Variants in MAP3K2 observed in about 807,000 individuals in gnomAD.
MAP3K2 encodes the protein mitogen-activated protein kinase kinase kinase 2, also known as MAP/ERK kinase kinase 2.
MAP3K2 carries 24 observed loss-of-function variants against 80.3 expected under a neutral mutation model. The observed-to-expected ratio is 0.30, with a 90% confidence interval of 0.22 to 0.42. The LOEUF (loss-of-function observed/expected upper bound fraction) is 0.42, where lower values mean the gene tolerates loss of function less well. MAP3K2 is among the 10% of genes least tolerant of loss of function. MAP3K2 has a pLI of 1.00. For synonymous variants in MAP3K2, 244 were observed against 253.7 expected, an observed-to-expected ratio of 0.96 and a Z score of 0.36; for missense variants, 608 against 750.1, an observed-to-expected ratio of 0.81 and a Z score of 2.21.
At chr2:127,318,466 C>T (rs1685951298) in intron 12 of MAP3K2, 149 bp from the exon 13 acceptor site, 3 of 555,136 alleles carry the variant, frequency 5.4e-6, no homozygotes, top group South Asian at 8.1e-5. Flanking sequence ...TCACAGTTAC[C>T]GTCTTTCAAA....
At chr2:127,388,273 T>C (rs571446309), upstream of MAP3K2, 1 of 985,462 alleles carries the variant, frequency 1.0e-6, no homozygotes, top group East Asian at 1.1e-4. Context: ...CCTGCGGTAG[T>C]GGCCAGATCC....
rs765189339 is a variant in MAP3K2 at position 127,339,040 on chromosome 2, TTGC to T, written c.12_14del (p.Gln5del). The T allele has an allele frequency of 4.4e-6, 7 of 1,605,522 alleles. No homozygotes were observed. The highest frequency in any genetic ancestry group is 6.0e-6 in the Non-Finnish European group (7 of 1,173,988). The stretch of plus-strand genomic sequence containing the variant: ...AATCTTGCATGATTGAGTTCAAAGC[TTGC>T]TGATCATCTAGGTAGTTTTGAAACA... On this transcript the variant is annotated inframe_deletion, in exon 3 of 17. Transcript: ENST00000682094. This position sits in a 1 kb window ranked among gnomAD's most constrained non-coding sequence, Gnocchi z 4.2.
chr2:127,354,038 A>C (rs1423752643), intron 1 of MAP3K2, among the ~76,000 whole-genome samples: 1 of 151,958 alleles, frequency 6.6e-6, no homozygotes, highest in East Asian at 1.9e-4. Context: ...CAGATGCTTG[A>C]AGGCAACAGG....
In MAP3K2 at chr2:127,364,988, T is replaced by C. The variant is rs992859574; in HGVS notation, c.-65-21794A>G. On this transcript the variant is annotated intron_variant, in intron 1 of 16. Coordinates refer to ENST00000682094, the MANE Select transcript of MAP3K2 (RefSeq NM_001371910.2). The surrounding 1 kb of genome is among the most constrained non-coding windows in gnomAD (Gnocchi z 4.1). ...ACTAAAACTACAAAAATTAGCCGGG[T>C]GTGGTGGCACATGCCTGTAATCCCT... 2.0e-5 allele frequency among the ~76,000 whole-genome samples: 3 copies of C among 151,294 alleles called. No individual in the cohort carries two copies. The highest frequency in any genetic ancestry group is 6.6e-5 in the Admixed American group (1 of 15,202).
chr2:127,316,459 G>C (rs900237378), intron 14 of MAP3K2, among the ~76,000 whole-genome samples: 1 of 152,086 alleles, frequency 6.6e-6, no homozygotes, highest in African/African-American at 2.4e-5. Flanking sequence ...ATTAATACTA[G>C]ATGTACTCTA....
chr2:127,354,305 TGA>T (rs1213020322), intron 1 of MAP3K2, among the ~76,000 whole-genome samples: 1 of 151,490 alleles, frequency 6.6e-6, no homozygotes, highest in African/African-American at 2.4e-5. Context: ...CTGACTACTT[TGA>T]GTCTTCAGAA....
Position 127,304,705 on chromosome 2 carries a change from G to A in MAP3K2, c.*2874C>T, listed in dbSNP as rs1313348633. On this transcript the variant is annotated 3_prime_UTR_variant, in exon 17 of 17. Coordinates refer to ENST00000682094, the MANE Select transcript of MAP3K2 (RefSeq NM_001371910.2). ...TCATTATTAGAAAGAAGAAAAAAAC[G>A]GAGTGTTATATTTAACTTCCCCTGA... 2.0e-5 allele frequency: 3 copies of A among 152,450 alleles called. No individual in the cohort carries two copies. Among genetic ancestry groups the A allele is most frequent in the South Asian group, 2.1e-4 (1 of 4,832 alleles). The allele number at this position is 152,450 out of a possible 1,614,324, so 9.4% of individuals were successfully genotyped here. A position where few individuals can be genotyped will look rare whatever the true frequency, so the allele number is the denominator to read the frequency against.
intron 1 of MAP3K2, among the ~76,000 whole-genome samples, chr2:127,352,068 G>A (rs900605152): frequency 6.6e-6 from 1 of 151,838 alleles, no homozygotes; most frequent in East Asian, 1.9e-4. Flanking sequence ...GTAGAGACAC[G>A]GTTTTGCTAT....
upstream of MAP3K2, chr2:127,388,356 A>G (rs1052691591): frequency 5.7e-5 from 56 of 985,480 alleles, no homozygotes; most frequent in African/African-American, 9.2e-4. Context: ...TAGCAGAGCT[A>G]GCAGAGGCAG....
upstream of MAP3K2, chr2:127,388,225 C>A: frequency 2.3e-5 from 20 of 863,240 alleles, no homozygotes; most frequent in Non-Finnish European, 2.7e-5. Context: ...CTGTGCTGTT[C>A]CGTGTGCGCG....
At chr2:127,369,448 C>T (rs12991062) in intron 1 of MAP3K2, among the ~76,000 whole-genome samples, 43,143 of 114,528 alleles carry the variant, frequency 0.38, 8,610 homozygotes, top group East Asian at 0.6. Context: ...CTGGCTAACA[C>T]GGTGAAACCC....
intron 1 of MAP3K2, among the ~76,000 whole-genome samples, chr2:127,353,163 G>A (rs1197165500): frequency 1.3e-5 from 2 of 149,540 alleles, no homozygotes; most frequent in African/African-American, 2.5e-5. Flanking sequence ...GCCGCCCATC[G>A]TCTGGGATGT....
intron 12 of MAP3K2, among the ~76,000 whole-genome samples, chr2:127,319,346 T>C (rs1369394230): frequency 6.6e-6 from 1 of 151,430 alleles, no homozygotes. Context: ...CAAGCCCATC[T>C]CTGAGAACTG....
chr2:127,336,510 G>A (rs1269251340), intron 4 of MAP3K2, among the ~76,000 whole-genome samples: 1 of 152,210 alleles, frequency 6.6e-6, no homozygotes, highest in Non-Finnish European at 1.5e-5. Flanking sequence ...TGCCCCTAGA[G>A]AGCATGCACC....
At chr2:127,354,239 T>TTA (rs1686758941) in intron 1 of MAP3K2, among the ~76,000 whole-genome samples, 2 of 113,708 alleles carry the variant, frequency 1.8e-5, no homozygotes, top group Admixed American at 2.0e-4. Flanking sequence ...GAATGATCAA[T>TTA]AAAAAAAAAA....
At chr2:127,342,329 C>G (rs1686508465) in intron 2 of MAP3K2, among the ~76,000 whole-genome samples, 1 of 140,998 alleles carries the variant, frequency 7.1e-6, no homozygotes, top group Admixed American at 6.9e-5. Context: ...CAATGACACA[C>G]AGTGAAAGTG....
At chr2:127,318,136 A>T in intron 13 of MAP3K2, 33 bp downstream of exon 13, 2 of 1,529,120 alleles carry the variant, frequency 1.3e-6, no homozygotes, top group Non-Finnish European at 1.8e-6. Context: ...GTTTCTTATA[A>T]TGTGACAAAG....
rs1379115809 is a variant in MAP3K2 at position 127,321,309 on chromosome 2, G to A, written c.1045+737C>T. 6.6e-6 allele frequency among the ~76,000 whole-genome samples: 1 copy of A among 152,134 alleles called. No homozygotes were observed. Among genetic ancestry groups the A allele is most frequent in the African/African-American group, 2.4e-5 (1 of 41,430 alleles). On this transcript the variant is annotated intron_variant, in intron 12 of 16. Coordinates refer to ENST00000682094, the MANE Select transcript of MAP3K2 (RefSeq NM_001371910.2). The surrounding 1 kb of genome is among the most constrained non-coding windows in gnomAD (Gnocchi z 4.4). ...GATCTATAAAAATGAATAGACTGAA[G>A]ATATATATAAAAGACATTTTTCTCT...
chr2:127,306,646 C>T lies in MAP3K2; in HGVS notation c.*933G>A, dbSNP rs945181898. ...GGTATACATGATTTTGATTATTTCT[C>T]CATTCCTTTAATTTTGGGACGTCCC... On this transcript the variant is annotated 3_prime_UTR_variant, in exon 17 of 17. Coordinates refer to ENST00000682094, the MANE Select transcript of MAP3K2 (RefSeq NM_001371910.2). The surrounding 1 kb of genome is among the most constrained non-coding windows in gnomAD (Gnocchi z 4.7). The T allele has an allele frequency of 6.6e-6, 1 of 152,114 alleles. No homozygotes were observed. The highest frequency in any genetic ancestry group is 1.5e-5 in the Non-Finnish European group (1 of 68,008). The allele number at this position is 152,114 out of a possible 1,614,324, so 9.4% of individuals were successfully genotyped here. A position where few individuals can be genotyped will look rare whatever the true frequency, so the allele number is the denominator to read the frequency against.
Sources: allele counts gnomAD v4.1 joint callset (sites outside exome capture counted in the v4.1 genomes callset), GRCh38; gene constraint gnomAD v4.1.1; non-coding constraint Gnocchi (gnomAD v3.1); transcripts MANE v1.5; gene names NCBI Gene and HGNC (gene_info 2026-07-23, HGNC 2026-07-21).